Variants in SOX4 observed in about 807,000 individuals in gnomAD.
SOX4 encodes transcription factor SOX-4.
For synonymous variants in SOX4, 465 were observed against 348.4 expected (o/e 1.33, Z -3.73); for missense variants, 662 against 694.9 (o/e 0.95, Z 0.53).
chr6:21,597,889 C>T lies in SOX4; in HGVS notation c.*1930C>T, dbSNP rs1277610089. The T allele has an allele frequency of 6.0e-6, 1 of 166,990 alleles. No homozygotes were observed. Among genetic ancestry groups the T allele is most frequent in the Admixed American group, 6.6e-5 (1 of 15,264 alleles). The allele number at this position is 166,990 out of a possible 1,614,324, so 10.3% of individuals were successfully genotyped here. On this transcript the variant is annotated 3_prime_UTR_variant, in exon 1 of 1. Transcript: ENST00000244745. ...CCCTTAACCTGCCACCAGTGTCCAC[C>T]CTCCGGCCCCCGTCTTGTAAAAAGG...
In SOX4 at chr6:21,595,063, G is replaced by T; in HGVS notation, c.529G>T (p.Ala177Ser). ...CGGCGGCGGCGGCGGGAGCAGCAAC[G>T]CGGGGGGAGGAGGCGGCGGTGCGAG... The part of the protein sequence containing the change: ...GGGGGGGSSN[A>S]GGGGGGASGG... The change falls in exon 1 of 1, where the codon GCG (alanine) becomes TCG (serine). Residue 177 changes from alanine (A) to serine (S), a missense_variant. By Grantham distance (99) the Ala-to-Ser change is moderately conservative. Transcript: ENST00000244745. The T allele has an allele frequency of 7.0e-7, 1 of 1,419,850 alleles. No individual in the cohort carries two copies. The allele number at this position is 1,419,850 out of a possible 1,614,324, so 88.0% of individuals were successfully genotyped here.
chr6:21,596,078 A>G lies in SOX4; in HGVS notation c.*119A>G, dbSNP rs1763146988. On this transcript the variant is annotated 3_prime_UTR_variant, in exon 1 of 1. Coordinates refer to ENST00000244745, the MANE Select transcript of SOX4 (RefSeq NM_003107.3). ...AGAGAAAAGGGAAAAAAGAAAGAAA[A>G]AGTAAGCAGGGCTGGCTTCGCCCGC... The G allele has an allele frequency of 3.8e-6, 5 of 1,314,478 alleles. No individual in the cohort carries two copies. Among genetic ancestry groups the G allele is most frequent in the Non-Finnish European group, 4.9e-6 (5 of 1,011,456 alleles). The allele number at this position is 1,314,478 out of a possible 1,614,324, so 81.4% of individuals were successfully genotyped here.
Position 21,595,554 on chromosome 6 carries a change from C to T in SOX4, c.1020C>T (p.Ser340=), listed in dbSNP as rs2113558416. ...AGCSPDAPSL[S]GRSSAASSPA... ...GCTCGCCCGACGCGCCCAGCCTGAG[C>T]GGCCGCAGCAGCGCCGCCTCGTCCC... The change falls in exon 1 of 1, where the codon AGC becomes AGT. Residue 340 remains serine (S), a synonymous_variant. Transcript: ENST00000244745. 4 of 1,205,998 alleles carry T rather than the reference C, an allele frequency of 3.3e-6. No individual in the cohort carries two copies. Among genetic ancestry groups the T allele is most frequent in the Non-Finnish European group, 4.1e-6 (4 of 972,036 alleles). 74.7% of individuals were successfully genotyped at this position (1,205,998 alleles called of 1,614,324 possible).
In SOX4 at chr6:21,595,482, C is replaced by G; in HGVS notation, c.948C>G (p.Ala316=). Residue 316 remains alanine (A), a synonymous_variant, in exon 1 of 1, where the codon GCC becomes GCG. Coordinates refer to ENST00000244745, the MANE Select transcript of SOX4 (RefSeq NM_003107.3). ...CCGTGGGCGGCGTGGGCGCGGGAGC[C>G]GACCCCAGCGACCCCCTGGGCCTGT... ...SSPVGGVGAG[A]DPSDPLGLYE... is the part of the protein sequence containing the mutation. 5.6e-6 allele frequency: 8 copies of G among 1,426,130 alleles called. No homozygotes were observed. The highest frequency in any genetic ancestry group is 6.4e-6 in the Non-Finnish European group (7 of 1,092,590). 88.3% of individuals were successfully genotyped at this position (1,426,130 alleles called of 1,614,324 possible).
rs778685534 is a variant in SOX4, at chr6:21,598,194, A to G, written c.*2235A>G. The G allele has an allele frequency of 1.2e-5, 2 of 166,960 alleles. No individual in the cohort carries two copies. Among genetic ancestry groups the G allele is most frequent in the African/African-American group, 2.4e-5 (1 of 41,462 alleles). The allele number at this position is 166,960 out of a possible 1,614,324, so 10.3% of individuals were successfully genotyped here. A position where few individuals can be genotyped will look rare whatever the true frequency, so the allele number is the denominator to read the frequency against. On this transcript the variant is annotated 3_prime_UTR_variant, in exon 1 of 1. Coordinates refer to ENST00000244745, the MANE Select transcript of SOX4 (RefSeq NM_003107.3). Reference sequence around the variant, plus strand: ...TAATCCTTTCTACTTGTCGCTAAATATAATTGTTTTAGTCTTATGGCATGA... The same window carrying G: ...TAATCCTTTCTACTTGTCGCTAAATGTAATTGTTTTAGTCTTATGGCATGA...
At position 21,595,671 on chromosome 6, in the gene SOX4, C is replaced by G. The variant is rs1343555694; in HGVS notation, c.1137C>G (p.Ser379=). Residue 379 remains serine, a synonymous_variant, in exon 1 of 1, where the codon TCC becomes TCG. Transcript: ENST00000244745. Reference sequence around the variant, plus strand: ...CGTCCAGCGCGCCCTCGCACGCGTCCTCCTCGGCCTCGTCCCACTCCTCCT... The same window carrying G: ...CGTCCAGCGCGCCCTCGCACGCGTCGTCCTCGGCCTCGTCCCACTCCTCCT... ...PAPSSAPSHA[S]SSASSHSSSS... 5 of 1,551,060 alleles carry G rather than the reference C, an allele frequency of 3.2e-6. No individual in the cohort carries two copies. The highest frequency in any genetic ancestry group is 1.9e-5 in the Admixed American group (1 of 51,364).
rs142386727 is a variant in SOX4 at position 21,595,777 on chromosome 6, G to C, written c.1243G>C (p.Glu415Gln). 3.7e-6 allele frequency: 6 copies of C among 1,613,446 alleles called. No homozygotes were observed. Among genetic ancestry groups the C allele is most frequent in the African/African-American group, 1.3e-5 (1 of 74,910 alleles). The change falls in exon 1 of 1, where the codon GAG becomes CAG. Residue 415 changes from glutamate to glutamine, a missense_variant. Physicochemically the swap from Glu to Gln is conservative, Grantham distance 29 (BLOSUM62 2). Transcript: ENST00000244745. ...LLDLNPSSNFESMSLGSFSSS... is the reference protein window; with the variant it reads ...LLDLNPSSNFQSMSLGSFSSS... ...CGACCTGAACCCCAGCTCAAACTTT[G>C]AGAGCATGTCCCTGGGCAGCTTCAG...
rs376065005 is a variant in SOX4 at position 21,598,575 on chromosome 6, CTTTT to C, written c.*2620_*2623del. 1.2e-5 allele frequency: 2 copies of C among 166,634 alleles called. No individual in the cohort carries two copies. Among genetic ancestry groups the C allele is most frequent in the Non-Finnish European group, 2.9e-5 (2 of 68,098 alleles). 10.3% of individuals were successfully genotyped at this position (166,634 alleles called of 1,614,324 possible). A position where few individuals can be genotyped will look rare whatever the true frequency, so the allele number is the denominator to read the frequency against. ...GTTGATATATACCTTCTGTAAATAACTTTTTTTGAGAAGGAAATAAAATCAGCTG... is the reference window on the plus strand; with the variant it reads ...GTTGATATATACCTTCTGTAAATAACTTTGAGAAGGAAATAAAATCAGCTG... On this transcript the variant is annotated 3_prime_UTR_variant, in exon 1 of 1. Coordinates refer to ENST00000244745, the MANE Select transcript of SOX4 (RefSeq NM_003107.3).
In SOX4 at chr6:21,596,015, T is replaced by TG. The variant is rs11413405; in HGVS notation, c.*57dup. The TG allele has an allele frequency of 3.2e-3, 4,492 of 1,421,248 alleles. 103 individuals carry two copies. In the African/African-American group the frequency reaches 0.05, roughly 16 times the overall value. 88.0% of individuals were successfully genotyped at this position (1,421,248 alleles called of 1,614,324 possible). ...GGGGTAGGAGAGGAGAAAAAAAAAG[T>TG]GAAAAAAAGAAACGAAAAGGACAGA... On this transcript the variant is annotated 3_prime_UTR_variant, in exon 1 of 1. Transcript: ENST00000244745.
rs1207259529 is a variant in SOX4 at position 21,597,870 on chromosome 6, A to C, written c.*1911A>C. The stretch of plus-strand genomic sequence containing the variant: ...CTTCTTAAAGTGACAGTATCCCTTA[A>C]CCTGCCACCAGTGTCCACCCTCCGG... On this transcript the variant is annotated 3_prime_UTR_variant, in exon 1 of 1. Coordinates refer to ENST00000244745, the MANE Select transcript of SOX4 (RefSeq NM_003107.3). 1.8e-5 allele frequency: 3 copies of C among 167,036 alleles called. No homozygotes were observed. Among genetic ancestry groups the C allele is most frequent in the Non-Finnish European group, 4.4e-5 (3 of 68,114 alleles). 10.3% of individuals were successfully genotyped at this position (167,036 alleles called of 1,614,324 possible).
rs779342173 is a variant in SOX4, at chr6:21,595,316, A to T, written c.782A>T (p.Lys261Met). ...GCCGCCGACCACCACTCGCTGTACAAGGCGCGGACTCCCAGCGCCTCGGCC... is the reference window on the plus strand; with the variant it reads ...GCCGCCGACCACCACTCGCTGTACATGGCGCGGACTCCCAGCGCCTCGGCC... ...GAAADHHSLY[K>M]ARTPSASASA... Residue 261 changes from lysine to methionine, a missense_variant, in exon 1 of 1, where the codon AAG (lysine) becomes ATG (methionine). Physicochemically the swap from Lys to Met is moderately conservative, Grantham distance 95. Transcript: ENST00000244745. 1 of 1,472,664 alleles carries T rather than the reference A, an allele frequency of 6.8e-7. No individual in the cohort carries two copies. Among genetic ancestry groups the T allele is most frequent in the Admixed American group, 2.3e-5 (1 of 42,600 alleles). The allele number at this position is 1,472,664 out of a possible 1,614,324, so 91.2% of individuals were successfully genotyped here. A position where few individuals can be genotyped will look rare whatever the true frequency, so the allele number is the denominator to read the frequency against.
chr6:21,593,792 G>A lies in SOX4; in HGVS notation c.-743G>A, dbSNP rs958752580. 6.6e-6 allele frequency: 1 copy of A among 152,318 alleles called. No individual in the cohort carries two copies. The highest frequency in any genetic ancestry group is 1.5e-5 in the Non-Finnish European group (1 of 68,074). 9.4% of individuals were successfully genotyped at this position (152,318 alleles called of 1,614,324 possible). A position where few individuals can be genotyped will look rare whatever the true frequency, so the allele number is the denominator to read the frequency against. On this transcript the variant is annotated 5_prime_UTR_variant, in exon 1 of 1. Coordinates refer to ENST00000244745, the MANE Select transcript of SOX4 (RefSeq NM_003107.3). ...AGAGAAACTGTGTGTGAGGGGAAGA[G>A]GCCTGTTTCGCTGTCGGGTCTCTAG...
chr6:21,594,442 T>A lies in SOX4; in HGVS notation c.-93T>A. On this transcript the variant is annotated 5_prime_UTR_variant, in exon 1 of 1. Transcript: ENST00000244745. ...GCCGCGCGCGTCTTCCCGTTCGGCG[T>A]GTGCTTGGCCCGGGGAACCGGGAGG... The A allele has an allele frequency of 1.5e-6, 2 of 1,322,904 alleles. No individual in the cohort carries two copies. Among genetic ancestry groups the A allele is most frequent in the Non-Finnish European group, 1.9e-6 (2 of 1,044,252 alleles). 81.9% of individuals were successfully genotyped at this position (1,322,904 alleles called of 1,614,324 possible). A position where few individuals can be genotyped will look rare whatever the true frequency, so the allele number is the denominator to read the frequency against.
rs1763197147 is a variant in SOX4 at position 21,597,523 on chromosome 6, T to TTTTTTTTTTTTTTTTTC, written c.*1580_*1581insCTTTTTTTTTTTTTTTT. ...TTTTCCTTTTTTTCTTTTTTTTTTC[T>TTTTTTTTTTTTTTTTTC]TTTTTTTTTTTTTTTTTTGGTAGTT... On this transcript the variant is annotated 3_prime_UTR_variant, in exon 1 of 1. Coordinates refer to ENST00000244745, the MANE Select transcript of SOX4 (RefSeq NM_003107.3). The TTTTTTTTTTTTTTTTTC allele has an allele frequency of 2.9e-5, 1 of 34,742 alleles. No individual in the cohort carries two copies. The highest frequency in any genetic ancestry group is 1.3e-4 in the African/African-American group (1 of 7,986). 2.2% of individuals were successfully genotyped at this position (34,742 alleles called of 1,614,324 possible).
Position 21,595,094 on chromosome 6 carries a change from G to A in SOX4, c.560G>A (p.Gly187Asp), listed in dbSNP as rs1263339348. ...GGAGGAGGCGGCGGTGCGAGTGGCG[G>A]CGGCGCCAACTCCAAACCGGCGCAG... ...AGGGGGGASG[G>D]GANSKPAQKK... The change falls in exon 1 of 1, where the codon GGC (glycine) becomes GAC (aspartate). Residue 187 changes from glycine to aspartate, a missense_variant. Gly to Asp is a moderately conservative substitution (Grantham distance 94). Transcript: ENST00000244745. 2 of 1,404,928 alleles carry A rather than the reference G, an allele frequency of 1.4e-6. No homozygotes were observed. Among genetic ancestry groups the A allele is most frequent in the Admixed American group, 3.4e-5 (1 of 29,142 alleles). The allele number at this position is 1,404,928 out of a possible 1,614,324, so 87.0% of individuals were successfully genotyped here. A position where few individuals can be genotyped will look rare whatever the true frequency, so the allele number is the denominator to read the frequency against.
In SOX4 at chr6:21,595,431, C is replaced by T. The variant is rs1327466288; in HGVS notation, c.897C>T (p.Phe299=). The T allele has an allele frequency of 1.7e-5, 26 of 1,520,484 alleles. No homozygotes were observed. The highest frequency in any genetic ancestry group is 2.1e-5 in the Non-Finnish European group (24 of 1,141,464). 94.2% of individuals were successfully genotyped at this position (1,520,484 alleles called of 1,614,324 possible). A position where few individuals can be genotyped will look rare whatever the true frequency, so the allele number is the denominator to read the frequency against. Residue 299 remains phenylalanine (F), a synonymous_variant, in exon 1 of 1, where the codon TTC becomes TTT. Coordinates refer to ENST00000244745, the MANE Select transcript of SOX4 (RefSeq NM_003107.3). ...AGAAGGTGAAGCGCGTCTACCTGTT[C>T]GGCGGCCTGGGCACGTCGTCGTCGC... ...AEKKVKRVYL[F]GGLGTSSSPV... is the part of the protein sequence containing the mutation.
At position 21,594,524 on chromosome 6, in the gene SOX4, G is replaced by C. The variant is rs948714822; in HGVS notation, c.-11G>C. On this transcript the variant is annotated 5_prime_UTR_variant, in exon 1 of 1. Transcript: ENST00000244745. ...GTGTGAGCGCGCGTGGGCGCCCGCC[G>C]AGCCGAGGCCATGGTGCAGCAAACC... 1.3e-6 allele frequency: 2 copies of C among 1,508,570 alleles called. No homozygotes were observed. Among genetic ancestry groups the C allele is most frequent in the African/African-American group, 1.4e-5 (1 of 69,520 alleles). The allele number at this position is 1,508,570 out of a possible 1,614,324, so 93.4% of individuals were successfully genotyped here.
Position 21,595,992 on chromosome 6 carries a change from G to T in SOX4, c.*33G>T, listed in dbSNP as rs150449012. On this transcript the variant is annotated 3_prime_UTR_variant, in exon 1 of 1. Coordinates refer to ENST00000244745, the MANE Select transcript of SOX4 (RefSeq NM_003107.3). ...GCAGGCAGGGAGAAGGGCCGGGGGGGGTAGGAGAGGAGAAAAAAAAAGTGA... is the reference window on the plus strand; with the variant it reads ...GCAGGCAGGGAGAAGGGCCGGGGGGTGTAGGAGAGGAGAAAAAAAAAGTGA... 1,425 of 1,463,322 alleles carry T rather than the reference G, an allele frequency of 9.7e-4. 12 individuals carry two copies. In the African/African-American group the frequency reaches 0.016, roughly 17 times the overall value. 90.6% of individuals were successfully genotyped at this position (1,463,322 alleles called of 1,614,324 possible).
chr6:21,595,221 A>G lies in SOX4; in HGVS notation c.687A>G (p.Ala229=), dbSNP rs886107500. 1.3e-4 allele frequency: 162 copies of G among 1,212,874 alleles called. No homozygotes were observed. The African/African-American group carries it at 2.3e-3, about 17-fold the overall frequency. The allele number at this position is 1,212,874 out of a possible 1,614,324, so 75.1% of individuals were successfully genotyped here. A position where few individuals can be genotyped will look rare whatever the true frequency, so the allele number is the denominator to read the frequency against. Residue 229 remains alanine (A), a synonymous_variant, in exon 1 of 1, where the codon GCA becomes GCG. Transcript: ENST00000244745. ...ILAGGGGGGK[A]AAAAAASFAA... is the part of the protein sequence containing the mutation. ...CAGGCGGCGGCGGCGGCGGGAAAGC[A>G]GCGGCTGCCGCCGCCGCCTCCTTCG... is the stretch of plus-strand genomic sequence containing the variant.
Sources: gnomAD v4.1 joint callset for allele counts on GRCh38, gnomAD v4.1.1 for gene constraint, MANE v1.5 for transcripts, NCBI Gene and HGNC (gene_info 2026-07-23, HGNC 2026-07-21) for gene names.